The following TEX2 variants were observed in gnomAD, a reference collection of about 807,000 sequenced individuals.
TEX2 encodes the protein testis expressed 2.
A neutral mutation model predicts 106.9 loss-of-function variants in TEX2; 53 were observed. The observed-to-expected ratio is 0.50, with a 90% CI of 0.40 to 0.62. The LOEUF is 0.62. TEX2 is among the 20% of genes least tolerant of loss of function. The pLI, the probability that TEX2 is intolerant of heterozygous loss-of-function variation, is 0.00. For missense variants in TEX2, 1,207 were observed against 1,379.0 expected, an observed-to-expected ratio of 0.88 and a Z score of 1.98; for synonymous variants, 523 against 534.8, an observed-to-expected ratio of 0.98 and a Z score of 0.30.
intron 1 of TEX2, among the ~76,000 whole-genome samples, chr17:64,242,604 G>A (rs2033908192): frequency 6.6e-6 from 1 of 152,046 alleles, no homozygotes; most frequent in Non-Finnish European, 1.5e-5. Flanking sequence ...TCAGACCTGT[G>A]GTGCCAGGGC....
intron 1 of TEX2, among the ~76,000 whole-genome samples, chr17:64,253,695 C>T (rs1191905019): frequency 1.3e-5 from 2 of 152,052 alleles, no homozygotes; most frequent in African/African-American, 4.8e-5. Flanking sequence ...TAGATAAGGG[C>T]GAAAGGAGGG....
intron 1 of TEX2, among the ~76,000 whole-genome samples, chr17:64,249,224 A>C (rs1334810015): frequency 6.6e-6 from 1 of 152,086 alleles, no homozygotes; most frequent in East Asian, 1.9e-4. Context: ...TTTTTTCCTT[A>C]GCTTGAATAA....
chr17:64,172,352 CAA>C (rs11419588), intron 6 of TEX2, among the ~76,000 whole-genome samples: 4 of 131,886 alleles, frequency 3.0e-5, no homozygotes, highest in Non-Finnish European at 3.2e-5. Context: ...GAATCCGTCT[CAA>C]AAAAAAAAAA....
At chr17:64,211,021 G>A (rs1250481621) in intron 2 of TEX2, among the ~76,000 whole-genome samples, 1 of 151,938 alleles carries the variant, frequency 6.6e-6, no homozygotes, top group Non-Finnish European at 1.5e-5. Context: ...GAGTGCAGTG[G>A]CGCAATCTCA....
intron 4 of TEX2, among the ~76,000 whole-genome samples, chr17:64,192,559 C>T (rs1567931017): frequency 6.6e-6 from 1 of 152,216 alleles, no homozygotes; most frequent in African/African-American, 2.4e-5. Context: ...TGTTGTAAAT[C>T]ACCCAGCTTG....
intron 1 of TEX2, among the ~76,000 whole-genome samples, chr17:64,259,334 G>A (rs1044964203): frequency 7.2e-5 from 11 of 152,204 alleles, no homozygotes; most frequent in Admixed American, 2.0e-4. Flanking sequence ...GTGTAATTAC[G>A]CATTATAAAG....
rs1181589928 is a variant in TEX2 at position 64,242,212 on chromosome 17, TC to T, written c.-26+20955del. On this transcript the variant is annotated intron_variant, in intron 1 of 11. Coordinates refer to ENST00000584379, the MANE Select transcript of TEX2 (RefSeq NM_001288732.2). ...ACAAGTTGAGCATCAGGTTTTAGCT[TC>T]CATAATGTAACATTACAGCACTGTT... is the stretch of plus-strand genomic sequence containing the variant. 2.0e-5 allele frequency: 3 copies of T among 152,208 alleles called. No homozygotes were observed. The East Asian group carries it at 5.8e-4, about 29-fold the overall frequency. 9.4% of individuals were successfully genotyped at this position (152,208 alleles called of 1,614,324 possible).
chr17:64,188,107 G>C (rs950543564), intron 5 of TEX2, 61 bp downstream of exon 5: 6 of 1,560,890 alleles, frequency 3.8e-6, no homozygotes, highest in Non-Finnish European at 5.2e-6. Flanking sequence ...GAGCACTTAC[G>C]CATGAAGAAA....
Position 64,148,870 on chromosome 17 carries a change from A to G in TEX2, c.*99T>C. On this transcript the variant is annotated 3_prime_UTR_variant, in exon 12 of 12. Transcript: ENST00000584379. The stretch of plus-strand genomic sequence containing the variant: ...CAGAAGCAGTCCTTTAAGAAACAGT[A>G]GCTGTGGCACAGAGGCCAGTGCTAC... 1 of 1,458,946 alleles carries G rather than the reference A, an allele frequency of 6.9e-7. No homozygotes were observed. 90.4% of individuals were successfully genotyped at this position (1,458,946 alleles called of 1,614,324 possible). A position where few individuals can be genotyped will look rare whatever the true frequency, so the allele number is the denominator to read the frequency against.
rs545759024 is a variant in TEX2, at chr17:64,195,239, C to T, written c.1645-144G>A. The T allele has an allele frequency of 2.3e-5, 17 of 751,484 alleles. No homozygotes were observed. The South Asian group carries it at 3.0e-4, about 13-fold the overall frequency. 46.6% of individuals were successfully genotyped at this position (751,484 alleles called of 1,614,324 possible). The stretch of plus-strand genomic sequence containing the variant: ...TCAGCTCACCAATGACTACAGGTTG[C>T]AAAGAGAAGTGCTTAGCTGGGAGGA... On this transcript the variant is annotated intron_variant, in intron 2 of 11. Coordinates refer to ENST00000584379, the MANE Select transcript of TEX2 (RefSeq NM_001288732.2). This position sits in a 1 kb window ranked among gnomAD's most constrained non-coding sequence, Gnocchi z 4.1.
chr17:64,260,549 G>A (rs1224440025), intron 1 of TEX2, among the ~76,000 whole-genome samples: 3 of 152,214 alleles, frequency 2.0e-5, no homozygotes, highest in South Asian at 2.1e-4. Context: ...CCTTGGGCAA[G>A]TTACTACTTT....
chr17:64,156,611 C>T (rs1442851160), intron 8 of TEX2, among the ~76,000 whole-genome samples: 3 of 152,132 alleles, frequency 2.0e-5, no homozygotes, highest in South Asian at 2.1e-4. Context: ...AAGCCTAAAC[C>T]GGGTCTTGGG....
At chr17:64,218,568 G>T (rs567869377) in intron 1 of TEX2, among the ~76,000 whole-genome samples, 3 of 151,894 alleles carry the variant, frequency 2.0e-5, no homozygotes, top group Non-Finnish European at 4.4e-5. Flanking sequence ...ACAGACGCCC[G>T]CCACCACACC....
chr17:64,214,200 A>G lies in TEX2; in HGVS notation c.18T>C (p.Gly6=). The part of the protein sequence containing the change: MTSLY[G]RHAEKTTDMP... ...TGTCAGTGGTTTTCTCGGCATGGCG[A>G]CCATACAGACTTGTCATTGCCGGCT... The change falls in exon 2 of 12, where the codon GGT becomes GGC. Residue 6 remains glycine (G), a synonymous_variant. Coordinates refer to ENST00000584379, the MANE Select transcript of TEX2 (RefSeq NM_001288732.2). The G allele has an allele frequency of 1.9e-6, 3 of 1,613,580 alleles. No individual in the cohort carries two copies. Among genetic ancestry groups the G allele is most frequent in the Non-Finnish European group, 1.7e-6 (2 of 1,179,602 alleles).
intron 6 of TEX2, among the ~76,000 whole-genome samples, chr17:64,171,643 G>A (rs1354308402): frequency 6.6e-6 from 1 of 152,050 alleles, no homozygotes. Context: ...CTGAAGTATG[G>A]GAAAACAGAC....
intron 1 of TEX2, among the ~76,000 whole-genome samples, chr17:64,232,842 T>C (rs147760895): frequency 3.0e-4 from 45 of 152,350 alleles, no homozygotes; most frequent in African/African-American, 1.0e-3. Flanking sequence ...TTTCAAATGC[T>C]GAAAATGGTC....
chr17:64,189,590 T>C (rs982886170), intron 4 of TEX2, among the ~76,000 whole-genome samples: 10 of 152,174 alleles, frequency 6.6e-5, no homozygotes, highest in African/African-American at 2.2e-4. Flanking sequence ...AATTTAATAT[T>C]GACCCTGTTG....
intron 1 of TEX2, among the ~76,000 whole-genome samples, chr17:64,251,684 G>C (rs948893222): frequency 6.6e-6 from 1 of 152,208 alleles, no homozygotes; most frequent in Non-Finnish European, 1.5e-5. Context: ...CTCAGGAAGA[G>C]AGAGAAGGGG....
intron 1 of TEX2, among the ~76,000 whole-genome samples, chr17:64,231,962 C>G (rs1365531595): frequency 3.3e-5 from 5 of 152,208 alleles, no homozygotes; most frequent in Admixed American, 2.6e-4. Context: ...GACTCACCGG[C>G]ATGTTATCCG....
Sources: gnomAD v4.1 joint callset for allele counts (sites outside exome capture counted in the v4.1 genomes callset) on GRCh38, gnomAD v4.1.1 for gene constraint, Gnocchi (gnomAD v3.1) non-coding constraint, MANE v1.5 for transcripts, NCBI Gene and HGNC (gene_info 2026-07-23, HGNC 2026-07-21) for gene names.